The following DCLK2 variants were observed in gnomAD, a reference collection of about 807,000 sequenced individuals.
DCLK2 encodes the protein doublecortin like kinase 2.
DCLK2 carries 31 observed loss-of-function variants against 78.4 expected under a neutral mutation model. That is an observed-to-expected ratio of 0.40 (90% CI 0.30 to 0.53). The LOEUF (loss-of-function observed/expected upper bound fraction) is 0.53, where lower values mean the gene tolerates loss of function less well. Among genes scored for constraint, DCLK2 ranks in the 20% least tolerant of loss-of-function variants. The probability of loss-of-function intolerance (pLI) is 0.61; values close to 1 mark genes in which losing one functional copy is unlikely to be tolerated. For synonymous variants in DCLK2, 407 were observed against 374.9 expected, an observed-to-expected ratio of 1.09 and a Z score of -0.99; for missense variants, 872 against 973.7, an observed-to-expected ratio of 0.90 and a Z score of 1.39.
chr4:150,114,480 G>C (rs1277327064), intron 2 of DCLK2, among the ~76,000 whole-genome samples: 2 of 152,084 alleles, frequency 1.3e-5, no homozygotes, highest in South Asian at 4.1e-4. Context: ...CTTCATCGTG[G>C]TATTTTTTTA....
intron 12 of DCLK2, among the ~76,000 whole-genome samples, chr4:150,247,153 C>A (rs1309742653): frequency 6.6e-6 from 1 of 151,930 alleles, no homozygotes; most frequent in Non-Finnish European, 1.5e-5. Flanking sequence ...TTTTTCCCCC[C>A]AAAATGAGGA....
chr4:150,249,177 C>T (rs1743556169), intron 14 of DCLK2, among the ~76,000 whole-genome samples: 1 of 152,042 alleles, frequency 6.6e-6, no homozygotes, highest in Non-Finnish European at 1.5e-5. Context: ...TAAAGACTAA[C>T]AACTAAATGA....
At chr4:150,153,249 G>C (rs1405680963) in intron 2 of DCLK2, among the ~76,000 whole-genome samples, 2 of 152,148 alleles carry the variant, frequency 1.3e-5, no homozygotes, top group Non-Finnish European at 2.9e-5. Flanking sequence ...TCTTTTAAGG[G>C]AGGCCAGAAC....
At chr4:150,085,654 A>G (rs999889435) in intron 1 of DCLK2, among the ~76,000 whole-genome samples, 1 of 152,174 alleles carries the variant, frequency 6.6e-6, no homozygotes, top group Non-Finnish European at 1.5e-5. Context: ...CAGAGACTTC[A>G]TAGGCTGGAT....
intron 1 of DCLK2, among the ~76,000 whole-genome samples, chr4:150,100,774 G>T (rs1730830889): frequency 6.6e-6 from 1 of 152,142 alleles, no homozygotes; most frequent in Non-Finnish European, 1.5e-5. Context: ...TTTCCCAGAT[G>T]ATCATACTGT....
At chr4:150,237,126 T>G (rs767805819) in intron 10 of DCLK2, among the ~76,000 whole-genome samples, 12 of 152,136 alleles carry the variant, frequency 7.9e-5, no homozygotes, top group Non-Finnish European at 1.8e-4. Context: ...TTAACTCTCA[T>G]GATGCAGACA....
chr4:150,239,377 C>G (rs928030761), intron 10 of DCLK2, among the ~76,000 whole-genome samples: 14 of 152,062 alleles, frequency 9.2e-5, no homozygotes, highest in Non-Finnish European at 1.9e-4. Flanking sequence ...GTGGGCAGAT[C>G]TCACGATCCC....
Position 150,166,277 on chromosome 4 carries a change from C to T in DCLK2, c.757-26861C>T, listed in dbSNP as rs559514934. Among the ~76,000 whole-genome samples the T allele has an allele frequency of 3.9e-5, 6 of 152,092 alleles. No individual in the cohort carries two copies. The South Asian group carries it at 1.2e-3, about 32-fold the overall frequency. On this transcript the variant is annotated intron_variant, in intron 2 of 15. Transcript: ENST00000296550. ...GGCTGAGGTGGGAGGATTACCTGAGCGCAGGAGTTCAAGACAAGCCTGAGC... is the reference window on the plus strand; with the variant it reads ...GGCTGAGGTGGGAGGATTACCTGAGTGCAGGAGTTCAAGACAAGCCTGAGC...
chr4:150,105,147 A>G lies in DCLK2; in HGVS notation c.756+2335A>G, dbSNP rs533581573. 1.1e-4 allele frequency among the ~76,000 whole-genome samples: 16 copies of G among 152,310 alleles called. No individual in the cohort carries two copies. In the South Asian group the frequency reaches 3.1e-3, roughly 30 times the overall value. On this transcript the variant is annotated intron_variant, in intron 2 of 15. Coordinates refer to ENST00000296550, the MANE Select transcript of DCLK2 (RefSeq NM_001040260.4). ...GAAATATAGATGTCAAAATGAAACA[A>G]AAGGACTAAAAGTATGTCAATAGTT...
chr4:150,189,819 C>T (rs972817839), intron 2 of DCLK2, among the ~76,000 whole-genome samples: 2 of 151,550 alleles, frequency 1.3e-5, no homozygotes, highest in African/African-American at 2.4e-5. Flanking sequence ...ATCAAGCACC[C>T]GCTAAAGCCA....
At chr4:150,182,351 A>G (rs1737594197) in intron 2 of DCLK2, among the ~76,000 whole-genome samples, 1 of 152,188 alleles carries the variant, frequency 6.6e-6, no homozygotes, top group African/African-American at 2.4e-5. Context: ...CTGGCCTCCC[A>G]AATCATTTGA....
rs1742768059 is a variant in DCLK2, at chr4:150,239,725, G to A, written c.1567-17G>A. On this transcript the variant is annotated splice_polypyrimidine_tract_variant and intron_variant, in intron 10 of 15. Transcript: ENST00000296550. ...GGAAAAAAAAATCTTCTGATTGTTG[G>A]CTGATTTCTGTTTCAGGTGTGTGAA... 6.2e-7 allele frequency: 1 copy of A among 1,610,202 alleles called. No homozygotes were observed. The highest frequency in any genetic ancestry group is 2.2e-5 in the East Asian group (1 of 44,858).
At chr4:150,235,485 G>A (rs774036504) in intron 10 of DCLK2, among the ~76,000 whole-genome samples, 4 of 152,092 alleles carry the variant, frequency 2.6e-5, no homozygotes, top group Non-Finnish European at 5.9e-5. Flanking sequence ...CTAGATGAGC[G>A]TCCACCCCTT....
chr4:150,219,637 A>G (rs1477409854), intron 5 of DCLK2, among the ~76,000 whole-genome samples: 1 of 152,226 alleles, frequency 6.6e-6, no homozygotes, highest in Admixed American at 6.5e-5. Flanking sequence ...ATATTGAGTT[A>G]GTGTTACGTG....
In DCLK2 at chr4:150,232,467, A is replaced by T; in HGVS notation, c.1419+11A>T. 6.2e-7 allele frequency: 1 copy of T among 1,612,796 alleles called. No homozygotes were observed. The highest frequency in any genetic ancestry group is 1.7e-4 in the Middle Eastern group (1 of 6,056). The stretch of plus-strand genomic sequence containing the variant: ...ATGGAATTGGTCAAAGTAAGAGGAT[A>T]GAGAGATTTTCTTGGTGCCTAGTCC... On this transcript the variant is annotated intron_variant, in intron 9 of 15. Transcript: ENST00000296550.
chr4:150,079,921 T>C (rs1423578662), intron 1 of DCLK2, among the ~76,000 whole-genome samples: 5 of 152,176 alleles, frequency 3.3e-5, no homozygotes, highest in Admixed American at 6.5e-5. Flanking sequence ...TTGGCTTTCC[T>C]AGTTTGCCTT....
rs553630373 is a variant in DCLK2, at chr4:150,152,567, C to T, written c.757-40571C>T. Among the ~76,000 whole-genome samples, 227 of 152,318 alleles carry T rather than the reference C, an allele frequency of 1.5e-3. 2 individuals carry two copies. Among genetic ancestry groups the T allele is most frequent in the African/African-American group, 5.2e-3 (218 of 41,580 alleles). On this transcript the variant is annotated intron_variant, in intron 2 of 15. Coordinates refer to ENST00000296550, the MANE Select transcript of DCLK2 (RefSeq NM_001040260.4). The stretch of plus-strand genomic sequence containing the variant: ...ACAGTGCTGGGATGACAGGCTTGAG[C>T]CACTGTGCCGGGCCTGATTTTTTAA...
At chr4:150,180,290 G>C (rs1389258774) in intron 2 of DCLK2, among the ~76,000 whole-genome samples, 1 of 152,110 alleles carries the variant, frequency 6.6e-6, no homozygotes, top group Non-Finnish European at 1.5e-5. Flanking sequence ...ACTTCACAAG[G>C]TAGTTTCCTG....
chr4:150,237,268 C>T lies in DCLK2; in HGVS notation c.1567-2474C>T, dbSNP rs1484403577. Among the ~76,000 whole-genome samples, 3 of 152,164 alleles carry T rather than the reference C, an allele frequency of 2.0e-5. No homozygotes were observed. In the East Asian group the frequency reaches 5.8e-4, roughly 29 times the overall value. ...ATCAGATTGTTCTTGTTAATGTTTA[C>T]ATTAAACATAATGGGTGGAAAGTTT... is the stretch of plus-strand genomic sequence containing the variant. On this transcript the variant is annotated intron_variant, in intron 10 of 15. Transcript: ENST00000296550.
Sources: allele counts gnomAD v4.1 joint callset (sites outside exome capture counted in the v4.1 genomes callset), GRCh38; gene constraint gnomAD v4.1.1; transcripts MANE v1.5; gene names NCBI Gene and HGNC (gene_info 2026-07-23, HGNC 2026-07-21).